Variants in SPOCK1 observed in about 807,000 individuals in gnomAD.
The protein encoded by SPOCK1 is SPARC (osteonectin), cwcv and kazal like domains proteoglycan 1, also known as testican-1.
A neutral mutation model predicts 55.3 loss-of-function variants in SPOCK1; 23 were observed. That is an observed-to-expected ratio of 0.42 (90% CI 0.30 to 0.59). SPOCK1 has a LOEUF of 0.59. Among genes scored for constraint, SPOCK1 ranks in the 20% least tolerant of loss-of-function variants. The pLI is 0.22. For missense variants in SPOCK1, 499 were observed against 552.5 expected (o/e 0.90, Z 0.97); for synonymous variants, 226 against 221.0 (o/e 1.02, Z -0.20).
At chr5:137,304,740 CCT>C (rs1379994718) in intron 2 of SPOCK1, among the ~76,000 whole-genome samples, 1 of 152,116 alleles carries the variant, frequency 6.6e-6, no homozygotes, top group Non-Finnish European at 1.5e-5. Flanking sequence ...ACCAGAAGGG[CCT>C]CTCTACAGAG....
chr5:137,492,883 C>A (rs1469032584), intron 2 of SPOCK1, among the ~76,000 whole-genome samples: 4 of 152,216 alleles, frequency 2.6e-5, no homozygotes. Context: ...CACAGTGTAG[C>A]CCTTTGGAAT....
At chr5:137,472,146 A>C (rs1231501203) in intron 2 of SPOCK1, among the ~76,000 whole-genome samples, 1 of 152,178 alleles carries the variant, frequency 6.6e-6, no homozygotes, top group African/African-American at 2.4e-5. Flanking sequence ...GCCCTGGCCC[A>C]GTGCTGCCAG....
chr5:137,356,848 G>T (rs1300104317), intron 2 of SPOCK1, among the ~76,000 whole-genome samples: 58 of 85,808 alleles, frequency 6.8e-4, no homozygotes, highest in African/African-American at 9.1e-4. Flanking sequence ...TAGAGAGAGA[G>T]AGAGAGAGAG....
intron 6 of SPOCK1, among the ~76,000 whole-genome samples, chr5:137,027,225 T>C (rs1201255218): frequency 6.6e-6 from 1 of 152,220 alleles, no homozygotes; most frequent in Non-Finnish European, 1.5e-5. Context: ...TTCCATGTTT[T>C]GAACTTGATT....
At chr5:137,118,463 C>A (rs1206027681) in intron 4 of SPOCK1, among the ~76,000 whole-genome samples, 1 of 151,938 alleles carries the variant, frequency 6.6e-6, no homozygotes, top group Admixed American at 6.5e-5. Flanking sequence ...ACTAAGATAT[C>A]CCCACCCTCA....
intron 2 of SPOCK1, among the ~76,000 whole-genome samples, chr5:137,435,126 T>C (rs904083202): frequency 2.0e-5 from 3 of 152,226 alleles, no homozygotes; most frequent in African/African-American, 7.2e-5. Context: ...CCATTAAACA[T>C]GATATCAAGT....
At chr5:137,368,899 A>G (rs1263859553) in intron 2 of SPOCK1, among the ~76,000 whole-genome samples, 1 of 152,252 alleles carries the variant, frequency 6.6e-6, no homozygotes, top group Non-Finnish European at 1.5e-5. Flanking sequence ...TGCACAGAGC[A>G]GCGGGGTTCG....
chr5:137,021,491 G>A (rs970822973), intron 6 of SPOCK1, among the ~76,000 whole-genome samples: 3 of 152,130 alleles, frequency 2.0e-5, no homozygotes, highest in African/African-American at 7.2e-5. Flanking sequence ...AGTTACTGGT[G>A]TTCTTTCTTT....
intron 3 of SPOCK1, among the ~76,000 whole-genome samples, chr5:137,186,132 C>T (rs1469588591): frequency 6.6e-6 from 1 of 152,218 alleles, no homozygotes; most frequent in Admixed American, 6.5e-5. Context: ...ACTTGAGTCA[C>T]CCCGTCTTTA....
At chr5:137,350,255 A>G (rs1750650321) in intron 2 of SPOCK1, among the ~76,000 whole-genome samples, 1 of 152,164 alleles carries the variant, frequency 6.6e-6, no homozygotes, top group Non-Finnish European at 1.5e-5. Context: ...AAAACCCAGG[A>G]GGGCAATCTC....
chr5:137,250,567 C>G (rs1370971031), intron 3 of SPOCK1, among the ~76,000 whole-genome samples: 1 of 152,204 alleles, frequency 6.6e-6, no homozygotes. Context: ...CCTGAATGCT[C>G]CCTCAGCTAC....
intron 3 of SPOCK1, among the ~76,000 whole-genome samples, chr5:137,256,506 T>TC (rs1161687873): frequency 6.6e-6 from 1 of 152,324 alleles, no homozygotes; most frequent in East Asian, 1.9e-4. Context: ...GAGGTCAGAC[T>TC]CACAGCCTCA....
chr5:137,297,422 A>G (rs1222375668), intron 2 of SPOCK1, among the ~76,000 whole-genome samples: 1 of 152,234 alleles, frequency 6.6e-6, no homozygotes, highest in Non-Finnish European at 1.5e-5. Flanking sequence ...ATGCACAACA[A>G]AAACACAGTG....
intron 5 of SPOCK1, among the ~76,000 whole-genome samples, chr5:137,080,782 G>T (rs78782578): frequency 1.1e-4 from 17 of 152,142 alleles, no homozygotes; most frequent in Admixed American, 1.1e-3. Context: ...AATGAGTGAA[G>T]AAAACTACAG....
At position 137,108,692 on chromosome 5, in the gene SPOCK1, G is replaced by C. The variant is rs968999823; in HGVS notation, c.474+3743C>G. 1.7e-4 allele frequency among the ~76,000 whole-genome samples: 26 copies of C among 152,308 alleles called. 1 individual carries two copies. Among genetic ancestry groups the C allele is most frequent in the Admixed American group, 1.4e-3 (21 of 15,298 alleles). ...CAGGAAAAGGGTTAAGCAGGTCTGG[G>C]AAACTGAGAAGCTGGTCAGGCTGGT... is the stretch of plus-strand genomic sequence containing the variant. On this transcript the variant is annotated intron_variant, in intron 5 of 10. Transcript: ENST00000394945.
At chr5:136,981,779 T>A (rs189050707) in intron 9 of SPOCK1, among the ~76,000 whole-genome samples, 106 of 152,324 alleles carry the variant, frequency 7.0e-4, no homozygotes, top group African/African-American at 2.3e-3. Flanking sequence ...TGCTAACAAA[T>A]CTTAGTCTAC....
At chr5:137,215,990 T>C (rs1243280912) in intron 3 of SPOCK1, among the ~76,000 whole-genome samples, 2 of 152,214 alleles carry the variant, frequency 1.3e-5, no homozygotes, top group Non-Finnish European at 2.9e-5. Flanking sequence ...AGTCAAAGCC[T>C]GGCCCCTCTT....
intron 2 of SPOCK1, among the ~76,000 whole-genome samples, chr5:137,311,137 A>G (rs1335799554): frequency 3.3e-5 from 5 of 152,224 alleles, no homozygotes; most frequent in Non-Finnish European, 7.3e-5. Flanking sequence ...TTGGTTTAAC[A>G]AACAGAGATA....
intron 2 of SPOCK1, among the ~76,000 whole-genome samples, chr5:137,339,967 C>T (rs948252824): frequency 2.6e-5 from 4 of 152,156 alleles, no homozygotes; most frequent in African/African-American, 9.7e-5. Flanking sequence ...CCTGCACATG[C>T]CAGCTTCTGA....
Sources: allele counts gnomAD v4.1 joint callset (sites outside exome capture counted in the v4.1 genomes callset), GRCh38; gene constraint gnomAD v4.1.1; transcripts MANE v1.5; gene names NCBI Gene and HGNC (gene_info 2026-07-23, HGNC 2026-07-21).